PSG6: variants seen among roughly 807,000 people sequenced by gnomAD.
PSG6 encodes pregnancy-specific beta-1-glycoprotein 6.
PSG6 carries 51 observed loss-of-function variants against 43.3 expected under a neutral mutation model. The ratio of observed to expected loss-of-function variants is 1.18; its 90% CI spans 0.94 to 1.49. PSG6 has a LOEUF of 1.49. Among genes scored for constraint, PSG6 ranks in the 40% most tolerant of loss-of-function variants. PSG6 has a pLI of 0.00. For synonymous variants in PSG6, 292 were observed against 197.6 expected (o/e 1.48, Z -4.01); for missense variants, 770 against 522.2 (o/e 1.47, Z -4.62).
At chr19:42,903,120 A>T (rs1184036532) in intron 5 of PSG6, among the ~76,000 whole-genome samples, 3 of 151,550 alleles carry the variant, frequency 2.0e-5, no homozygotes, top group Non-Finnish European at 4.4e-5. Flanking sequence ...CTGAGATTTG[A>T]TTCTAGGACT....
intron 5 of PSG6, among the ~76,000 whole-genome samples, chr19:42,905,586 G>A (rs1307960977): frequency 6.6e-6 from 1 of 151,580 alleles, no homozygotes; most frequent in Non-Finnish European, 1.5e-5. Context: ...ACTCCCTATA[G>A]AATTGAAAGA....
intron 3 of PSG6, among the ~76,000 whole-genome samples, chr19:42,908,665 T>G (rs1815784210): frequency 6.6e-6 from 1 of 151,734 alleles, no homozygotes; most frequent in African/African-American, 2.4e-5. Flanking sequence ...TGTGGACATT[T>G]GCAAATGCAG....
intron 2 of PSG6, among the ~76,000 whole-genome samples, chr19:42,912,557 A>G (rs1359691343): frequency 2.0e-5 from 3 of 151,802 alleles, no homozygotes; most frequent in Admixed American, 6.6e-5. Flanking sequence ...ATTACATAAA[A>G]GGAGGAAGGA....
Position 42,910,475 on chromosome 19 carries a change from A to G in PSG6, c.706+105T>C, listed in dbSNP as rs369065818. The G allele has an allele frequency of 8.8e-5, 141 of 1,611,226 alleles. 3 individuals are homozygous for G. The African/African-American group carries it at 9.4e-4, about 11-fold the overall frequency. On this transcript the variant is annotated intron_variant, in intron 3 of 5. Coordinates refer to ENST00000187910, the MANE Select transcript of PSG6 (RefSeq NM_001031850.4). Reference sequence around the variant, plus strand: ...TCATGGCCAGCTTTGATGTTCAGGGATAAAGGTCTCTGTACTTGGACCTGA... The same window carrying G: ...TCATGGCCAGCTTTGATGTTCAGGGGTAAAGGTCTCTGTACTTGGACCTGA...
Position 42,907,111 on chromosome 19 carries a change from A to G in PSG6, c.1051T>C (p.Leu351=). 6 of 1,612,808 alleles carry G rather than the reference A, an allele frequency of 3.7e-6. No individual in the cohort carries two copies. The highest frequency in any genetic ancestry group is 5.1e-6 in the Non-Finnish European group (6 of 1,179,280). Residue 351 remains leucine, a synonymous_variant, in exon 5 of 6, where the codon TTG becomes CTG. Transcript: ENST00000187910. Reference sequence around the variant, plus strand: ...GGGTTAGAGTCCGCAAAGCAGGACAAGTCGAGGTTTTCTCCTGAACGGTAA... The same window carrying G: ...GGGTTAGAGTCCGCAAAGCAGGACAGGTCGAGGTTTTCTCCTGAACGGTAA... ...TYYRSGENLD[L]SCFADSNPPA...
chr19:42,910,959 C>G lies in PSG6; in HGVS notation c.428-101G>C, dbSNP rs931547144. The G allele has an allele frequency of 5.3e-6, 8 of 1,517,384 alleles. No individual in the cohort carries two copies. In the African/African-American group the frequency reaches 5.6e-5, roughly 11 times the overall value. 94.0% of individuals were successfully genotyped at this position (1,517,384 alleles called of 1,614,324 possible). A position where few individuals can be genotyped will look rare whatever the true frequency, so the allele number is the denominator to read the frequency against. ...GGCATTTCCAACCTCTCAGCCCACC[C>G]AAGTCCTTAAAAGCCCATGGCAGGT... On this transcript the variant is annotated intron_variant, in intron 2 of 5. Coordinates refer to ENST00000187910, the MANE Select transcript of PSG6 (RefSeq NM_001031850.4).
intron 2 of PSG6, 136 bp downstream of exon 2, chr19:42,915,989 A>G (rs1353126781): frequency 6.2e-6 from 9 of 1,458,422 alleles, no homozygotes; most frequent in Non-Finnish European, 8.5e-6. Context: ...TGTGTCCTGC[A>G]CTAAATGCCC....
intron 3 of PSG6, among the ~76,000 whole-genome samples, chr19:42,909,445 G>C (rs1354754590): frequency 1.3e-5 from 2 of 151,526 alleles, no homozygotes; most frequent in Non-Finnish European, 2.9e-5. Context: ...TCTAAATTCT[G>C]CAAAAAATGT....
intron 5 of PSG6, among the ~76,000 whole-genome samples, chr19:42,902,787 A>G (rs1257103555): frequency 4.0e-5 from 6 of 151,436 alleles, no homozygotes; most frequent in African/African-American, 1.5e-4. Flanking sequence ...CCCATCTTGG[A>G]TGCATCTCAG....
rs1058688 is a variant in PSG6, at chr19:42,910,713, C to G, written c.573G>C (p.Arg191Ser). The stretch of plus-strand genomic sequence containing the variant: ...TCCTGTTGGTTTTGGACAGCTGCAA[C>G]CTGTGAGTCATAGGGAGGTTCTGAC... Reference protein sequence around the residue: ...LNGQNLPMTHRLQLSKTNRTL... With the variant: ...LNGQNLPMTHSLQLSKTNRTL... Residue 191 changes from arginine (R) to serine (S), a missense_variant, in exon 3 of 6, where the codon AGG becomes AGC. Transcript: ENST00000187910. 2.4e-5 allele frequency: 38 copies of G among 1,612,150 alleles called. 1 individual carries two copies. In the African/African-American group the frequency reaches 2.9e-4, roughly 12 times the overall value.
intron 1 of PSG6, 58 bp downstream of exon 1, chr19:42,917,671 C>T: frequency 1.3e-6 from 2 of 1,597,384 alleles, no homozygotes; most frequent in Non-Finnish European, 1.7e-6. Flanking sequence ...CTCCAGGATA[C>T]CCCATCCAGT....
chr19:42,902,385 T>C lies in PSG6; in HGVS notation c.*27A>G. On this transcript the variant is annotated 3_prime_UTR_variant, in exon 6 of 6. Coordinates refer to ENST00000187910, the MANE Select transcript of PSG6 (RefSeq NM_001031850.4). Reference sequence around the variant, plus strand: ...TCATGAAGGTATCAACCTGTTCTTTTTCTCAGTGTCTCTATTGTGGCAGCC... The same window carrying C: ...TCATGAAGGTATCAACCTGTTCTTTCTCTCAGTGTCTCTATTGTGGCAGCC... The C allele has an allele frequency of 6.2e-7, 1 of 1,609,170 alleles. No individual in the cohort carries two copies. Among genetic ancestry groups the C allele is most frequent in the Non-Finnish European group, 8.5e-7 (1 of 1,177,094 alleles).
intron 2 of PSG6, among the ~76,000 whole-genome samples, chr19:42,914,789 G>A (rs1384070989): frequency 6.6e-6 from 1 of 151,602 alleles, no homozygotes; most frequent in African/African-American, 2.4e-5. Flanking sequence ...CTCTCACTGG[G>A]CCTGTGCTGA....
intron 5 of PSG6, 168 bp downstream of exon 5, chr19:42,906,754 A>G: frequency 1.3e-6 from 2 of 1,561,100 alleles, no homozygotes; most frequent in South Asian, 1.2e-5. Flanking sequence ...AAAAACAAGC[A>G]GAAGAGAGTC....
chr19:42,916,425 G>T lies in PSG6; in HGVS notation c.127C>A (p.Pro43Thr), dbSNP rs1445892561. The T allele has an allele frequency of 5.0e-6, 8 of 1,612,002 alleles. No individual in the cohort carries two copies. In the East Asian group the frequency reaches 1.1e-4, roughly 23 times the overall value. The change falls in exon 2 of 6, where the codon CCC (proline) becomes ACC (threonine). Residue 43 changes from proline to threonine, a missense_variant. Transcript: ENST00000187910. ...ACATCCTTCCCCTCGGAAACTTTGG[G>T]TGGCTTGGCTTCAATTATTACTTGG... ...TAQVIIEAKP[P>T]KVSEGKDVLL...
In PSG6 at chr19:42,917,627, T is replaced by A. The variant is rs189185325; in HGVS notation, c.64+102A>T. 251 of 1,522,568 alleles carry A rather than the reference T, an allele frequency of 1.6e-4. 13 individuals are homozygous for A. In the East Asian group the frequency reaches 5.0e-3, roughly 30 times the overall value. 94.3% of individuals were successfully genotyped at this position (1,522,568 alleles called of 1,614,324 possible). ...ATCCACCCACCTCAGCCTCCCTAAG[T>A]GCTGGCTTCTTTTATTTTTTAGAAC... On this transcript the variant is annotated intron_variant, in intron 1 of 5. Coordinates refer to ENST00000187910, the MANE Select transcript of PSG6 (RefSeq NM_001031850.4).
chr19:42,910,734 C>T lies in PSG6; in HGVS notation c.552G>A (p.Gln184=), dbSNP rs1972206418. The change falls in exon 3 of 6, where the codon CAG becomes CAA. Residue 184 remains glutamine, a synonymous_variant. Transcript: ENST00000187910. ...GCAACCTGTGAGTCATAGGGAGGTT[C>T]TGACCATTCAGCAACCACAGGTAGC... ...DASYLWLLNG[Q]NLPMTHRLQL... The T allele has an allele frequency of 6.2e-7, 1 of 1,612,340 alleles. No individual in the cohort carries two copies. The highest frequency in any genetic ancestry group is 2.2e-5 in the East Asian group (1 of 44,790).
rs189592811 is a variant in PSG6, at chr19:42,906,387, T to C, written c.1240+535A>G. 1.8e-4 allele frequency among the ~76,000 whole-genome samples: 27 copies of C among 151,444 alleles called. 2 individuals carry two copies. The East Asian group carries it at 3.3e-3, about 19-fold the overall frequency. ...GGGCCCTTTCTCCACACATGTTGGT[T>C]CCACCCCAGGTGGAGTCAGGCAGGG... On this transcript the variant is annotated intron_variant, in intron 5 of 5. Transcript: ENST00000187910.
At chr19:42,908,734 G>C (rs558059481) in intron 3 of PSG6, among the ~76,000 whole-genome samples, 1 of 151,790 alleles carries the variant, frequency 6.6e-6, no homozygotes, top group Non-Finnish European at 1.5e-5. Flanking sequence ...CATGGACCAT[G>C]TGTGTTTGAT....
Sources: gnomAD v4.1 joint callset for allele counts (sites outside exome capture counted in the v4.1 genomes callset) on GRCh38, gnomAD v4.1.1 for gene constraint, MANE v1.5 for transcripts, NCBI Gene and HGNC (gene_info 2026-07-23, HGNC 2026-07-21) for gene names.